Variants in MBTPS1 observed in about 807,000 individuals in gnomAD.
The protein encoded by MBTPS1 is membrane bound transcription factor peptidase, site 1.
A neutral mutation model predicts 127.8 loss-of-function variants in MBTPS1; 94 were observed. The ratio of observed to expected loss-of-function variants is 0.74; its 90% CI spans 0.62 to 0.87. The LOEUF (loss-of-function observed/expected upper bound fraction) is 0.87. MBTPS1 is among the 40% of genes least tolerant of loss of function. MBTPS1 has a pLI of 0.00. For missense variants in MBTPS1, 1,636 were observed against 1,353.2 expected, an observed-to-expected ratio of 1.21 and a Z score of -3.28; for synonymous variants, 632 against 509.4, an observed-to-expected ratio of 1.24 and a Z score of -3.24.
At chr16:84,081,353 G>C (rs531304743) in intron 11 of MBTPS1, among the ~76,000 whole-genome samples, 1 of 152,220 alleles carries the variant, frequency 6.6e-6, no homozygotes, top group African/African-American at 2.4e-5. Context: ...GTGTTTGTAT[G>C]ACAGTTTTAA....
At chr16:84,088,478 G>C (rs1453823115) in intron 8 of MBTPS1, among the ~76,000 whole-genome samples, 1 of 152,176 alleles carries the variant, frequency 6.6e-6, no homozygotes, top group Non-Finnish European at 1.5e-5. Context: ...GGCTGGTACA[G>C]AAGTCACTGA....
In MBTPS1 at chr16:84,059,350, G is replaced by T; in HGVS notation, c.2783C>A (p.Pro928Gln). The change falls in exon 21 of 23, where the codon CCA becomes CAA. Residue 928 changes from proline (P) to glutamine (Q), a missense_variant. Pro to Gln is a moderately conservative substitution (Grantham distance 76, BLOSUM62 -1). Coordinates refer to ENST00000343411, the MANE Select transcript of MBTPS1 (RefSeq NM_003791.4). ...CTGTGGCTTGGCCCAAGACAAGCGT[G>T]GACAGGCTGGTAGAGGCCGAGGTTT... is the stretch of plus-strand genomic sequence containing the variant. ...DPKPRPLPAC[P>Q]RLSWAKPQPL... 6.2e-7 allele frequency: 1 copy of T among 1,614,150 alleles called. No individual in the cohort carries two copies. The highest frequency in any genetic ancestry group is 8.5e-7 in the Non-Finnish European group (1 of 1,179,994).
At chr16:84,089,701 G>A (rs990497978) in intron 8 of MBTPS1, among the ~76,000 whole-genome samples, 6 of 152,184 alleles carry the variant, frequency 3.9e-5, no homozygotes, top group Non-Finnish European at 8.8e-5. Flanking sequence ...AGCCGTAAGT[G>A]GCAGGTCGGA....
intron 1 of MBTPS1, among the ~76,000 whole-genome samples, chr16:84,102,997 A>G (rs1020805798): frequency 2.6e-5 from 4 of 152,204 alleles, no homozygotes; most frequent in Non-Finnish European, 4.4e-5. Context: ...GAGGGAAACT[A>G]CTGCTAAAGA....
At chr16:84,071,538 T>G (rs1418919691) in intron 12 of MBTPS1, among the ~76,000 whole-genome samples, 1 of 152,262 alleles carries the variant, frequency 6.6e-6, no homozygotes, top group African/African-American at 2.4e-5. Flanking sequence ...TTGGAGCCAC[T>G]GGTTCCCAAG....
chr16:84,069,503 C>G (rs2085739420), intron 14 of MBTPS1, among the ~76,000 whole-genome samples: 1 of 152,170 alleles, frequency 6.6e-6, no homozygotes, highest in Non-Finnish European at 1.5e-5. Flanking sequence ...TCAGGAGCTG[C>G]TGATGTGGTC....
intron 11 of MBTPS1, 195 bp from the exon 12 acceptor site, chr16:84,074,936 T>TC (rs2085830825): frequency 8.4e-6 from 4 of 478,588 alleles, no homozygotes; most frequent in African/African-American, 2.0e-5. Flanking sequence ...CAGCCTGCTG[T>TC]CTATACAGAC....
intron 14 of MBTPS1, among the ~76,000 whole-genome samples, chr16:84,068,993 C>T (rs1049133668): frequency 1.3e-5 from 2 of 152,182 alleles, no homozygotes; most frequent in African/African-American, 4.8e-5. Flanking sequence ...CCCAGCAGCA[C>T]AGACTCCAGG....
Position 84,114,708 on chromosome 16 carries a change from C to T in MBTPS1, c.-325+2027G>A, listed in dbSNP as rs577391584. Among the ~76,000 whole-genome samples the T allele has an allele frequency of 3.1e-3, 470 of 151,630 alleles. 1 individual carries two copies. The highest frequency in any genetic ancestry group is 5.0e-3 in the Non-Finnish European group (339 of 67,880). ...AGCCGGGTGTGGTGGCGGGCACCTGCAGTCCCGGCTACTCGGGAGGCTGAG... is the reference window on the plus strand; with the variant it reads ...AGCCGGGTGTGGTGGCGGGCACCTGTAGTCCCGGCTACTCGGGAGGCTGAG... On this transcript the variant is annotated intron_variant, in intron 1 of 22. Transcript: ENST00000343411.
At chr16:84,082,148 A>G (rs759545409) in intron 10 of MBTPS1, 1 of 324,252 alleles carries the variant, frequency 3.1e-6, no homozygotes, top group East Asian at 4.8e-5. Context: ...CATCAGTAAC[A>G]CATATTTTTG....
chr16:84,109,561 G>C (rs1013637093), intron 1 of MBTPS1: 4 of 152,180 alleles, frequency 2.6e-5, no homozygotes, highest in African/African-American at 7.2e-5. Context: ...ACTTCTGGGA[G>C]GTTCCTGACA....
Position 84,091,836 on chromosome 16 carries a change from A to T in MBTPS1, c.859T>A (p.Ser287Thr), listed in dbSNP as rs2086113800. ...VFTNNQVSYT[S>T]WFLDAFNYAI... ...TAGTTGAAGGCGTCCAAAAACCAAG[A>T]TGTGTAAGATACCTAGTTAAATATT... The change falls in exon 7 of 23, where the codon TCT becomes ACT. Residue 287 changes from serine (S) to threonine (T), a missense_variant. Coordinates refer to ENST00000343411, the MANE Select transcript of MBTPS1 (RefSeq NM_003791.4). 1 of 1,588,272 alleles carries T rather than the reference A, an allele frequency of 6.3e-7. No individual in the cohort carries two copies. The highest frequency in any genetic ancestry group is 1.7e-5 in the Admixed American group (1 of 59,982).
At chr16:84,084,397 T>A (rs533144643) in intron 10 of MBTPS1, among the ~76,000 whole-genome samples, 7 of 152,216 alleles carry the variant, frequency 4.6e-5, no homozygotes, top group Non-Finnish European at 8.8e-5. Context: ...TCCTTTGCTA[T>A]AGAGAACATT....
At chr16:84,085,216 C>A (rs2086003078) in intron 9 of MBTPS1, 82 bp from the exon 10 acceptor site, 3 of 1,359,852 alleles carry the variant, frequency 2.2e-6, no homozygotes, top group African/African-American at 1.4e-5. Context: ...CAAATCAGAA[C>A]AGAGATATGG....
Position 84,095,663 on chromosome 16 carries a change from G to A in MBTPS1, c.564C>T (p.Ala188=). The A allele has an allele frequency of 6.2e-7, 1 of 1,614,248 alleles. No homozygotes were observed. Among genetic ancestry groups the A allele is most frequent in the South Asian group, 1.1e-5 (1 of 91,082 alleles). ...GTGTCTGGGCAACCTGGCGCGGGAT[G>A]GCTCTCAGCAGCCGTCTGCTCGAAT... ...GRHSSRRLLR[A]IPRQVAQTLQ... Residue 188 remains alanine, a synonymous_variant, in exon 4 of 23, where the codon GCC becomes GCT. Transcript: ENST00000343411.
chr16:84,107,279 G>C (rs954860954), intron 1 of MBTPS1, among the ~76,000 whole-genome samples: 1 of 152,196 alleles, frequency 6.6e-6, no homozygotes, highest in Non-Finnish European at 1.5e-5. Context: ...CTGGCCGCCA[G>C]ACTGTACCTT....
At chr16:84,066,719 C>G (rs1157996281) in intron 16 of MBTPS1, 106 bp from the exon 17 acceptor site, 2 of 1,131,834 alleles carry the variant, frequency 1.8e-6, no homozygotes, top group South Asian at 1.6e-5. Context: ...ACAATCCAGT[C>G]CTTCCACACT....
rs543449435 is a variant in MBTPS1, at chr16:84,054,771, C to A, written c.2963-126G>T. 1.3e-5 allele frequency: 9 copies of A among 678,218 alleles called. No individual in the cohort carries two copies. The Admixed American group carries it at 1.4e-4, about 10-fold the overall frequency. The allele number at this position is 678,218 out of a possible 1,614,324, so 42.0% of individuals were successfully genotyped here. On this transcript the variant is annotated intron_variant, in intron 22 of 22. Coordinates refer to ENST00000343411, the MANE Select transcript of MBTPS1 (RefSeq NM_003791.4). ...AATTTCACTAGCTGGGCTTGCAGGGCATACATCATTTTTAAGCCTTAGCTA... is the reference window on the plus strand; with the variant it reads ...AATTTCACTAGCTGGGCTTGCAGGGAATACATCATTTTTAAGCCTTAGCTA...
chr16:84,106,190 T>C (rs753629286), intron 1 of MBTPS1, among the ~76,000 whole-genome samples: 1 of 151,950 alleles, frequency 6.6e-6, no homozygotes, highest in Non-Finnish European at 1.5e-5. Flanking sequence ...AGCTACTCAG[T>C]AGGCTCAGGC....
Sources: allele counts gnomAD v4.1 joint callset (sites outside exome capture counted in the v4.1 genomes callset), GRCh38; gene constraint gnomAD v4.1.1; transcripts MANE v1.5; gene names NCBI Gene and HGNC (gene_info 2026-07-23, HGNC 2026-07-21).